Variants in ARRDC3 observed in about 807,000 individuals in gnomAD.
ARRDC3 encodes the protein arrestin domain-containing protein 3.
In ARRDC3, 10 loss-of-function variants were observed where a neutral mutation model predicts 47.2. The ratio of observed to expected loss-of-function variants is 0.21; its 90% CI spans 0.13 to 0.36. The LOEUF (loss-of-function observed/expected upper bound fraction) is 0.36. Among genes scored for constraint, ARRDC3 ranks in the 10% least tolerant of loss-of-function variants. The probability of loss-of-function intolerance (pLI) is 1.00; values close to 1 mark genes in which losing one functional copy is unlikely to be tolerated. For missense variants in ARRDC3, 381 were observed against 503.6 expected, an observed-to-expected ratio of 0.76 and a Z score of 2.33; for synonymous variants, 156 against 178.3, an observed-to-expected ratio of 0.87 and a Z score of 1.00.
In ARRDC3 at chr5:91,368,810, T is replaced by G. The variant is rs574029291; in HGVS notation, c.*2590A>C. The stretch of plus-strand genomic sequence containing the variant: ...TTAAATCATTTCCCACATATTGTTT[T>G]CTTAAAACAGAGCCTACAAGGACAT... On this transcript the variant is annotated 3_prime_UTR_variant, in exon 8 of 8. Coordinates refer to ENST00000265138, the MANE Select transcript of ARRDC3 (RefSeq NM_020801.4). 1 of 152,682 alleles carries G rather than the reference T, an allele frequency of 6.5e-6. No individual in the cohort carries two copies. The highest frequency in any genetic ancestry group is 1.9e-4 in the East Asian group (1 of 5,176). 9.5% of individuals were successfully genotyped at this position (152,682 alleles called of 1,614,324 possible). A position where few individuals can be genotyped will look rare whatever the true frequency, so the allele number is the denominator to read the frequency against.
Position 91,382,906 on chromosome 5 carries a change from T to C in ARRDC3, c.187A>G (p.Arg63Gly), listed in dbSNP as rs1430523091. 1 of 1,614,076 alleles carries C rather than the reference T, an allele frequency of 6.2e-7. No homozygotes were observed. Among genetic ancestry groups the C allele is most frequent in the Non-Finnish European group, 8.5e-7 (1 of 1,180,030 alleles). ...TAGGCAGTATTGGAGCCGGCGTTTC[T>C]AGATTCAGTCCAGCGTACTTTCGCA... is the stretch of plus-strand genomic sequence containing the variant. ...GHAKVRWTES[R>G]NAGSNTAYTQ... The change falls in exon 1 of 8, where the codon AGA (arginine) becomes GGA (glycine). Residue 63 changes from arginine (R) to glycine (G), a missense_variant. Transcript: ENST00000265138.
In ARRDC3 at chr5:91,369,257, TAAGAGAG is replaced by T. The variant is rs1227584320; in HGVS notation, c.*2136_*2142del. On this transcript the variant is annotated 3_prime_UTR_variant, in exon 8 of 8. Coordinates refer to ENST00000265138, the MANE Select transcript of ARRDC3 (RefSeq NM_020801.4). ...CAATTGTTCCCTAGTCAGTTAGACG[TAAGAGAG>T]AAAAGGGATTTTCTGACAATCCCCC... The T allele has an allele frequency of 6.6e-6, 1 of 152,534 alleles. No individual in the cohort carries two copies. The highest frequency in any genetic ancestry group is 2.4e-5 in the African/African-American group (1 of 41,408). 9.4% of individuals were successfully genotyped at this position (152,534 alleles called of 1,614,324 possible).
At chr5:91,378,223 C>T (rs1799350980) in intron 2 of ARRDC3, among the ~76,000 whole-genome samples, 1 of 152,012 alleles carries the variant, frequency 6.6e-6, no homozygotes, top group South Asian at 2.1e-4. Context: ...AGAAGAAAAA[C>T]ATTTCTAAAG....
intron 1 of ARRDC3, 113 bp downstream of exon 1, chr5:91,382,700 C>T: frequency 8.2e-7 from 1 of 1,216,878 alleles, no homozygotes; most frequent in Non-Finnish European, 1.1e-6. Flanking sequence ...CTTTGCTAAC[C>T]TTTCTCAAAC....
rs1799487323 is a variant in ARRDC3, at chr5:91,383,151, A to C, written c.-59T>G. ...GACAAAAAAGTCAAGATCGCATATA[A>C]AATGTGATCTTCACTTAACACTGAT... On this transcript the variant is annotated 5_prime_UTR_variant, in exon 1 of 8. Transcript: ENST00000265138. The C allele has an allele frequency of 2.1e-6, 3 of 1,455,514 alleles. No homozygotes were observed. In the African/African-American group the frequency reaches 4.3e-5, roughly 21 times the overall value. 90.2% of individuals were successfully genotyped at this position (1,455,514 alleles called of 1,614,324 possible). A position where few individuals can be genotyped will look rare whatever the true frequency, so the allele number is the denominator to read the frequency against.
chr5:91,374,671 C>T (rs1318312283), intron 5 of ARRDC3, among the ~76,000 whole-genome samples: 1 of 152,010 alleles, frequency 6.6e-6, no homozygotes, highest in Non-Finnish European at 1.5e-5. Flanking sequence ...ATCACTTGAG[C>T]CCAGGAGTTC....
At position 91,376,634 on chromosome 5, in the gene ARRDC3, G is replaced by A; in HGVS notation, c.497C>T (p.Thr166Ile). The change falls in exon 3 of 8, where the codon ACT becomes ATT. Residue 166 changes from threonine to isoleucine, a missense_variant. By Grantham distance (89) the Thr-to-Ile change is moderately conservative (BLOSUM62 -1). Coordinates refer to ENST00000265138, the MANE Select transcript of ARRDC3 (RefSeq NM_020801.4). ...GTCAATTCTTACCAGTAATGAAGGAGTGTTGATATCTATATGCTCAAAGAC... is the reference window on the plus strand; with the variant it reads ...GTCAATTCTTACCAGTAATGAAGGAATGTTGATATCTATATGCTCAAAGAC... ...FTVFEHIDIN[T>I]PSLLSPQAGT... 1.2e-6 allele frequency: 2 copies of A among 1,608,764 alleles called. No individual in the cohort carries two copies. Among genetic ancestry groups the A allele is most frequent in the Non-Finnish European group, 1.7e-6 (2 of 1,176,260 alleles).
Position 91,371,089 on chromosome 5 carries a change from T to A in ARRDC3, c.*311A>T. ...CATTGAGCATGTGCAAATTTTCAAA[T>A]CAAAAGAAGGAAATCATCCCTCTTT... is the stretch of plus-strand genomic sequence containing the variant. On this transcript the variant is annotated 3_prime_UTR_variant, in exon 8 of 8. Transcript: ENST00000265138. 4.1e-6 allele frequency: 1 copy of A among 245,648 alleles called. No homozygotes were observed. Among genetic ancestry groups the A allele is most frequent in the Non-Finnish European group, 7.7e-6 (1 of 129,444 alleles). 15.2% of individuals were successfully genotyped at this position (245,648 alleles called of 1,614,324 possible).
chr5:91,374,408 C>A (rs1799251729), intron 5 of ARRDC3, 132 bp from the exon 6 acceptor site: 1 of 748,002 alleles, frequency 1.3e-6, no homozygotes, highest in Admixed American at 2.9e-5. Context: ...TGAAAAGTTT[C>A]TCTTTTATGT....
At position 91,374,820 on chromosome 5, in the gene ARRDC3, G is replaced by A. The variant is rs905378200; in HGVS notation, c.870+102C>T. 3.3e-6 allele frequency: 4 copies of A among 1,215,402 alleles called. No homozygotes were observed. The East Asian group carries it at 7.5e-5, about 23-fold the overall frequency. 75.3% of individuals were successfully genotyped at this position (1,215,402 alleles called of 1,614,324 possible). A position where few individuals can be genotyped will look rare whatever the true frequency, so the allele number is the denominator to read the frequency against. ...GGATCACTGGAGCCCAGAAAGCAGA[G>A]GCTGTAGCGGAGCTGAGACTGTGCC... On this transcript the variant is annotated intron_variant, in intron 5 of 7. Coordinates refer to ENST00000265138, the MANE Select transcript of ARRDC3 (RefSeq NM_020801.4).
rs1407446303 is a variant in ARRDC3, at chr5:91,370,929, T to G, written c.*471A>C. On this transcript the variant is annotated 3_prime_UTR_variant, in exon 8 of 8. Coordinates refer to ENST00000265138, the MANE Select transcript of ARRDC3 (RefSeq NM_020801.4). ...GTCAGTGCGTTTTTTCATGTTAAAGTTTTTTCAAAGCTTTGTTTTGTTCCT... is the reference window on the plus strand; with the variant it reads ...GTCAGTGCGTTTTTTCATGTTAAAGGTTTTTCAAAGCTTTGTTTTGTTCCT... 1 of 152,302 alleles carries G rather than the reference T, an allele frequency of 6.6e-6. No homozygotes were observed. The allele number at this position is 152,302 out of a possible 1,614,324, so 9.4% of individuals were successfully genotyped here.
chr5:91,379,833 C>G (rs943413497), intron 1 of ARRDC3: 3 of 152,066 alleles, frequency 2.0e-5, no homozygotes, highest in African/African-American at 4.8e-5. Context: ...TGATGCCTCC[C>G]TGATATTAAA....
In ARRDC3 at chr5:91,369,696, G is replaced by C. The variant is rs1799124517; in HGVS notation, c.*1704C>G. 1 of 152,158 alleles carries C rather than the reference G, an allele frequency of 6.6e-6. No individual in the cohort carries two copies. The highest frequency in any genetic ancestry group is 2.1e-4 in the South Asian group (1 of 4,834). The allele number at this position is 152,158 out of a possible 1,614,324, so 9.4% of individuals were successfully genotyped here. A position where few individuals can be genotyped will look rare whatever the true frequency, so the allele number is the denominator to read the frequency against. On this transcript the variant is annotated 3_prime_UTR_variant, in exon 8 of 8. Coordinates refer to ENST00000265138, the MANE Select transcript of ARRDC3 (RefSeq NM_020801.4). ...GATGTAACACCCATTTTACACGTATGTTGCAACATCAGAGATGCTGGTTTT... is the reference window on the plus strand; with the variant it reads ...GATGTAACACCCATTTTACACGTATCTTGCAACATCAGAGATGCTGGTTTT...
chr5:91,380,207 T>TGCCCGCGCGCCGCCGCCGCCGCCGCTGCC (rs949424985), intron 1 of ARRDC3: 23 of 164,362 alleles, frequency 1.4e-4, no homozygotes, highest in South Asian at 3.5e-4. Context: ...CCAGCCGGCC[T>TGCCCGCGCGCCGCCGCCGCCGCCGCTGCC]GCCCGCGCGC....
At chr5:91,380,742 G>A (rs1170571414) in intron 1 of ARRDC3, 1 of 152,340 alleles carries the variant, frequency 6.6e-6, no homozygotes, top group African/African-American at 2.4e-5. Context: ...ATCTGAAAAG[G>A]ATTTTCTGCT....
Position 91,370,540 on chromosome 5 carries a change from G to A in ARRDC3, c.*860C>T, listed in dbSNP as rs1799145899. The A allele has an allele frequency of 6.6e-6, 1 of 152,526 alleles. No homozygotes were observed. The highest frequency in any genetic ancestry group is 2.4e-5 in the African/African-American group (1 of 41,414). 9.4% of individuals were successfully genotyped at this position (152,526 alleles called of 1,614,324 possible). ...ACAAAACACAAATAGCATTCCAACA[G>A]TTTGGCAAGTGATGCGTTCACCTGA... On this transcript the variant is annotated 3_prime_UTR_variant, in exon 8 of 8. Coordinates refer to ENST00000265138, the MANE Select transcript of ARRDC3 (RefSeq NM_020801.4).
At chr5:91,379,592 A>T (rs893616254) in intron 1 of ARRDC3, among the ~76,000 whole-genome samples, 1 of 152,218 alleles carries the variant, frequency 6.6e-6, no homozygotes, top group East Asian at 1.9e-4. Context: ...TTTACAACCA[A>T]TTTTTTTGGT....
intron 1 of ARRDC3, chr5:91,380,108 G>C (rs117153091): frequency 2.6e-5 from 4 of 152,238 alleles, no homozygotes; most frequent in Non-Finnish European, 5.9e-5. Context: ...GAGCGGCGGC[G>C]GCCGCGCCGT....
chr5:91,381,092 C>T (rs1450395899), intron 1 of ARRDC3: 1 of 152,226 alleles, frequency 6.6e-6, no homozygotes, highest in East Asian at 1.9e-4. Context: ...CCTGGCTCCG[C>T]CTATCCCGGG....
Sources: allele counts gnomAD v4.1 joint callset (sites outside exome capture counted in the v4.1 genomes callset), GRCh38; gene constraint gnomAD v4.1.1; transcripts MANE v1.5; gene names NCBI Gene and HGNC (gene_info 2026-07-23, HGNC 2026-07-21).